Variants in PARVA observed in about 807,000 individuals in gnomAD.
PARVA encodes the protein parvin alpha.
In PARVA, 25 loss-of-function variants were observed where a neutral mutation model predicts 52.6. The ratio of observed to expected loss-of-function variants is 0.48; its 90% CI spans 0.35 to 0.66. The LOEUF is 0.66. Among genes scored for constraint, PARVA ranks in the 30% least tolerant of loss-of-function variants. PARVA has a pLI of 0.01. For synonymous variants in PARVA, 185 were observed against 179.1 expected, an observed-to-expected ratio of 1.03 and a Z score of -0.26; for missense variants, 373 against 450.9, an observed-to-expected ratio of 0.83 and a Z score of 1.56.
rs145277722 is a variant in PARVA at position 12,504,554 on chromosome 11, G to A, written c.657+125G>A. The A allele has an allele frequency of 9.4e-5, 62 of 657,038 alleles. 1 individual carries two copies. The highest frequency in any genetic ancestry group is 8.3e-4 in the African/African-American group (46 of 55,612). 40.7% of individuals were successfully genotyped at this position (657,038 alleles called of 1,614,324 possible). ...AATGTTGAGTGAGCCTGGGTGTGCA[G>A]TATATTGGGAGGCACTGAATGAGCT... On this transcript the variant is annotated intron_variant, in intron 6 of 12. Coordinates refer to ENST00000334956, the MANE Select transcript of PARVA (RefSeq NM_018222.5).
chr11:12,395,471 G>A (rs1341846556), intron 1 of PARVA, among the ~76,000 whole-genome samples: 3 of 152,154 alleles, frequency 2.0e-5, no homozygotes, highest in South Asian at 2.1e-4. Flanking sequence ...GATGAGCGCC[G>A]GAGCCTCTAA....
rs986255604 is a variant in PARVA, at chr11:12,532,469, C to A, written c.*4544C>A. Among the ~76,000 whole-genome samples the A allele has an allele frequency of 3.3e-5, 5 of 152,112 alleles. No homozygotes were observed. The highest frequency in any genetic ancestry group is 1.3e-4 in the Admixed American group (2 of 15,270). ...CCCTGAGAAATTTCTAGGATGAGTA[C>A]TCTGAACTCAGGACTTCATTTAGTC... is the stretch of plus-strand genomic sequence containing the variant. On this transcript the variant is annotated 3_prime_UTR_variant, in exon 13 of 13. Coordinates refer to ENST00000334956, the MANE Select transcript of PARVA (RefSeq NM_018222.5).
chr11:12,409,398 A>C (rs1939961146), intron 1 of PARVA, among the ~76,000 whole-genome samples: 1 of 152,170 alleles, frequency 6.6e-6, no homozygotes. Flanking sequence ...TAGGTATGTT[A>C]TCTTCTATGG....
chr11:12,390,245 T>C (rs1349337002), intron 1 of PARVA, among the ~76,000 whole-genome samples: 1 of 152,238 alleles, frequency 6.6e-6, no homozygotes, highest in African/African-American at 2.4e-5. Flanking sequence ...GAAAGCATTT[T>C]CTGTCTTGGC....
At chr11:12,459,241 C>T (rs3045534) in intron 1 of PARVA, among the ~76,000 whole-genome samples, 19 of 151,440 alleles carry the variant, frequency 1.3e-4, no homozygotes, top group Admixed American at 9.9e-4. Flanking sequence ...GTCTCCACAA[C>T]AAAAAATACA....
intron 1 of PARVA, among the ~76,000 whole-genome samples, chr11:12,383,710 G>A (rs1424522040): frequency 1.3e-5 from 2 of 151,928 alleles, no homozygotes; most frequent in Non-Finnish European, 2.9e-5. Context: ...TGCCCTGGTC[G>A]GTCTCAAACT....
At chr11:12,478,053 G>A (rs759707752) in intron 4 of PARVA, 104 bp downstream of exon 4, 7 of 775,766 alleles carry the variant, frequency 9.0e-6, no homozygotes, top group South Asian at 8.2e-5. Flanking sequence ...TGGCTTACCT[G>A]GAAATGGATT....
intron 6 of PARVA, among the ~76,000 whole-genome samples, chr11:12,505,013 AGTCATCTTTTCCAGATTGTTGGAT>A (rs1411750938): frequency 6.6e-6 from 1 of 152,030 alleles, no homozygotes; most frequent in Non-Finnish European, 1.5e-5. Flanking sequence ...TGGGATCTCA[AGTCATCTTTTCCAGATTGTTGGAT>A]GGAATTTCCA....
rs1254024400 is a variant in PARVA at position 12,504,267 on chromosome 11, G to A, written c.542-47G>A. The A allele has an allele frequency of 2.7e-6, 3 of 1,092,684 alleles. No homozygotes were observed. The Admixed American group carries it at 5.5e-5, about 20-fold the overall frequency. 67.7% of individuals were successfully genotyped at this position (1,092,684 alleles called of 1,614,324 possible). ...TTTGAACATCTGCTTATATTGCCTAGAACCTGGAAGAAGATGCTGTAATTT... is the reference window on the plus strand; with the variant it reads ...TTTGAACATCTGCTTATATTGCCTAAAACCTGGAAGAAGATGCTGTAATTT... On this transcript the variant is annotated intron_variant, in intron 5 of 12. Coordinates refer to ENST00000334956, the MANE Select transcript of PARVA (RefSeq NM_018222.5).
intron 1 of PARVA, among the ~76,000 whole-genome samples, chr11:12,429,530 C>G (rs1169419378): frequency 2.0e-5 from 3 of 152,028 alleles, no homozygotes; most frequent in Non-Finnish European, 4.4e-5. Context: ...TTGTAAATTC[C>G]ATATAGCCAA....
rs1383420941 is a variant in PARVA at position 12,533,333 on chromosome 11, C to G, written c.*5408C>G. On this transcript the variant is annotated 3_prime_UTR_variant, in exon 13 of 13. Transcript: ENST00000334956. Reference sequence around the variant, plus strand: ...TTTACCAACGGCAGGAGCAGGAATCCCACCATTCAGCCTGTGGGCTTGACA... The same window carrying G: ...TTTACCAACGGCAGGAGCAGGAATCGCACCATTCAGCCTGTGGGCTTGACA... Among the ~76,000 whole-genome samples the G allele has an allele frequency of 6.6e-6, 1 of 152,194 alleles. No homozygotes were observed. Among genetic ancestry groups the G allele is most frequent in the African/African-American group, 2.4e-5 (1 of 41,450 alleles).
At chr11:12,462,797 G>A (rs549771825) in intron 1 of PARVA, among the ~76,000 whole-genome samples, 1 of 152,216 alleles carries the variant, frequency 6.6e-6, no homozygotes, top group Non-Finnish European at 1.5e-5. Context: ...AAATGACCCT[G>A]CCAGGCATCC....
chr11:12,457,950 C>T (rs1403689493), intron 1 of PARVA, among the ~76,000 whole-genome samples: 1 of 152,244 alleles, frequency 6.6e-6, no homozygotes, highest in Non-Finnish European at 1.5e-5. Flanking sequence ...TGGAGCTAGA[C>T]CAGAGTCGGC....
chr11:12,524,066 G>A (rs1001200631), intron 12 of PARVA, among the ~76,000 whole-genome samples: 14 of 152,200 alleles, frequency 9.2e-5, no homozygotes, highest in African/African-American at 2.4e-4. Context: ...ATCTGTTGGC[G>A]TTAGTGGTGA....
At chr11:12,433,628 C>T (rs1009146690) in intron 1 of PARVA, among the ~76,000 whole-genome samples, 2 of 152,076 alleles carry the variant, frequency 1.3e-5, no homozygotes, top group Non-Finnish European at 1.5e-5. Flanking sequence ...CACCGGCAGC[C>T]GGCCTAGAAT....
At chr11:12,393,647 G>A (rs1047504635) in intron 1 of PARVA, among the ~76,000 whole-genome samples, 1 of 152,168 alleles carries the variant, frequency 6.6e-6, no homozygotes, top group African/African-American at 2.4e-5. Context: ...CAGCCTGAAT[G>A]TGGCGTATGT....
At chr11:12,514,591 G>A (rs1447141970) in intron 10 of PARVA, among the ~76,000 whole-genome samples, 3 of 152,168 alleles carry the variant, frequency 2.0e-5, no homozygotes, top group African/African-American at 7.2e-5. Flanking sequence ...AGGTTCAAGC[G>A]ATTCTCCTGC....
In PARVA at chr11:12,534,540, A is replaced by C. The variant is rs1941812851; in HGVS notation, c.*6615A>C. On this transcript the variant is annotated 3_prime_UTR_variant, in exon 13 of 13. Transcript: ENST00000334956. ...ATAAATGATGTTTTATCAATGAAGC[A>C]GACTTTTCATTTCTTTTTATTGATC... 6.6e-6 allele frequency among the ~76,000 whole-genome samples: 1 copy of C among 152,232 alleles called. No homozygotes were observed. Among genetic ancestry groups the C allele is most frequent in the Non-Finnish European group, 1.5e-5 (1 of 68,044 alleles).
intron 5 of PARVA, among the ~76,000 whole-genome samples, chr11:12,497,473 G>T (rs529927182): frequency 3.3e-4 from 51 of 152,310 alleles, no homozygotes; most frequent in African/African-American, 1.2e-3. Context: ...AGCAAATGGA[G>T]TCTTCACCTC....
Sources: gnomAD v4.1 joint callset for allele counts (sites outside exome capture counted in the v4.1 genomes callset) on GRCh38, gnomAD v4.1.1 for gene constraint, MANE v1.5 for transcripts, NCBI Gene and HGNC (gene_info 2026-07-23, HGNC 2026-07-21) for gene names.